SEMA6A: variants seen among roughly 807,000 people sequenced by gnomAD.
The protein encoded by SEMA6A is semaphorin-6A.
Under a neutral mutation model 96.8 loss-of-function variants are expected in SEMA6A, and 25 were observed. The ratio of observed to expected loss-of-function variants is 0.26; its 90% CI spans 0.19 to 0.36. SEMA6A has a LOEUF of 0.36. Ranked by LOEUF, SEMA6A falls within the 10% of genes least tolerant of loss-of-function variation. SEMA6A has a pLI of 1.00. For synonymous variants in SEMA6A, 612 were observed against 518.0 expected, an observed-to-expected ratio of 1.18 and a Z score of -2.46; for missense variants, 1,363 against 1,323.1, an observed-to-expected ratio of 1.03 and a Z score of -0.47.
chr5:116,459,201 G>T (rs574560245), intron 18 of SEMA6A, among the ~76,000 whole-genome samples: 60 of 152,244 alleles, frequency 3.9e-4, no homozygotes, highest in African/African-American at 1.4e-3. Flanking sequence ...AGCTAGATAG[G>T]CAAGAAGCAT....
Position 116,497,391 on chromosome 5 carries a change from T to G in SEMA6A, c.219-4A>C. ...ATCAACAGTATAAATATGGTCCCTA[T>G]AGGCAAAGAAAAATTAATACAAGGT... On this transcript the variant is annotated splice_polypyrimidine_tract_variant and splice_region_variant and intron_variant, in intron 3 of 18. Transcript: ENST00000343348. The G allele has an allele frequency of 1.3e-6, 2 of 1,574,572 alleles. No individual in the cohort carries two copies. Among genetic ancestry groups the G allele is most frequent in the South Asian group, 1.1e-5 (1 of 88,068 alleles).
intron 12 of SEMA6A, among the ~76,000 whole-genome samples, chr5:116,479,395 G>C (rs1756636709): frequency 6.6e-6 from 1 of 152,168 alleles, no homozygotes; most frequent in Non-Finnish European, 1.5e-5. Flanking sequence ...AGAAAACATA[G>C]ACCCTCCTGC....
intron 1 of SEMA6A, among the ~76,000 whole-genome samples, chr5:116,572,448 G>A (rs1390607242): frequency 6.6e-6 from 1 of 152,210 alleles, no homozygotes; most frequent in Non-Finnish European, 1.5e-5. Context: ...TGCTTGCCCC[G>A]GCTGTGAAGA....
At chr5:116,463,203 CAAG>C (rs1755525204) in intron 18 of SEMA6A, among the ~76,000 whole-genome samples, 1 of 152,056 alleles carries the variant, frequency 6.6e-6, no homozygotes, top group Admixed American at 6.6e-5. Context: ...TTCACATAAT[CAAG>C]AAGATAACGC....
chr5:116,537,914 T>A (rs1026956546), intron 1 of SEMA6A, among the ~76,000 whole-genome samples: 1 of 152,164 alleles, frequency 6.6e-6, no homozygotes, highest in Non-Finnish European at 1.5e-5. Context: ...CGGTGTCTCA[T>A]GCCTATAATC....
Position 116,453,076 on chromosome 5 carries a change from G to A in SEMA6A, c.1895-5265C>T, listed in dbSNP as rs572686152. 4.6e-5 allele frequency among the ~76,000 whole-genome samples: 7 copies of A among 152,316 alleles called. No homozygotes were observed. The South Asian group carries it at 1.5e-3, about 32-fold the overall frequency. ...TTAAAGATGCACAGGATCTTAGCTGGAGCAGAGAGAGCAACAAGAACTGAG... is the reference window on the plus strand; with the variant it reads ...TTAAAGATGCACAGGATCTTAGCTGAAGCAGAGAGAGCAACAAGAACTGAG... On this transcript the variant is annotated intron_variant, in intron 18 of 18. Transcript: ENST00000343348.
chr5:116,478,247 C>T (rs1416035501), intron 13 of SEMA6A, 93 bp from the exon 14 acceptor site: 39 of 1,432,720 alleles, frequency 2.7e-5, no homozygotes, highest in African/African-American at 1.4e-5. Flanking sequence ...ACAAGGCAAT[C>T]TCTTAATCTA....
At chr5:116,477,821 C>G in intron 15 of SEMA6A, 25 bp downstream of exon 15, 1 of 1,611,860 alleles carries the variant, frequency 6.2e-7, no homozygotes, top group South Asian at 1.1e-5. Context: ...CCACTTCACC[C>G]TCTCCCACAC....
chr5:116,455,367 AT>A (rs1754947602), intron 18 of SEMA6A, among the ~76,000 whole-genome samples: 1 of 152,340 alleles, frequency 6.6e-6, no homozygotes, highest in African/African-American at 2.4e-5. Context: ...AAAGGTAATG[AT>A]TCTTTTACAT....
intron 1 of SEMA6A, among the ~76,000 whole-genome samples, chr5:116,564,812 C>G (rs1011846805): frequency 6.6e-6 from 1 of 152,132 alleles, no homozygotes; most frequent in African/African-American, 2.4e-5. Flanking sequence ...AATGTATGAG[C>G]CTTTTGTTGC....
At chr5:116,531,852 T>C (rs1759490339) in intron 1 of SEMA6A, among the ~76,000 whole-genome samples, 1 of 152,138 alleles carries the variant, frequency 6.6e-6, no homozygotes, top group Non-Finnish European at 1.5e-5. Context: ...TCACCTTTAG[T>C]TACTTGTTCC....
chr5:116,531,683 C>T (rs1046932730), intron 1 of SEMA6A, among the ~76,000 whole-genome samples: 2 of 152,140 alleles, frequency 1.3e-5, no homozygotes, highest in African/African-American at 2.4e-5. Flanking sequence ...GTTTAACGTC[C>T]TGGTTCTGTT....
At chr5:116,520,625 A>G (rs1758894358) in intron 1 of SEMA6A, among the ~76,000 whole-genome samples, 1 of 152,188 alleles carries the variant, frequency 6.6e-6, no homozygotes. Context: ...ATGGGTAGAA[A>G]CTATAAAGAT....
chr5:116,512,376 C>A (rs1266033603), intron 1 of SEMA6A, among the ~76,000 whole-genome samples: 1 of 152,100 alleles, frequency 6.6e-6, no homozygotes, highest in Non-Finnish European at 1.5e-5. Flanking sequence ...CTTCTCTCAG[C>A]CATTAAGAGA....
chr5:116,558,150 CCT>C (rs1198808036), intron 1 of SEMA6A, among the ~76,000 whole-genome samples: 3 of 152,160 alleles, frequency 2.0e-5, no homozygotes, highest in African/African-American at 7.2e-5. Flanking sequence ...ATTTTCCAAT[CCT>C]GTTTTGTTTT....
chr5:116,464,298 G>GACATCTAGAGAACCAGAGATA (rs1395632957), intron 18 of SEMA6A, among the ~76,000 whole-genome samples: 1 of 152,142 alleles, frequency 6.6e-6, no homozygotes, highest in Admixed American at 6.5e-5. Flanking sequence ...AGAGGCTCCA[G>GACATCTAGAGAACCAGAGATA]ACATCTAGAG....
At chr5:116,538,631 TC>T (rs1312626219) in intron 1 of SEMA6A, among the ~76,000 whole-genome samples, 1 of 152,228 alleles carries the variant, frequency 6.6e-6, no homozygotes, top group Non-Finnish European at 1.5e-5. Flanking sequence ...TTTTTATCTG[TC>T]CTTAAACTCA....
intron 15 of SEMA6A, 78 bp from the exon 16 acceptor site, chr5:116,475,681 A>G (rs1756410512): frequency 8.8e-6 from 9 of 1,022,170 alleles, no homozygotes; most frequent in Admixed American, 6.4e-5. Context: ...AAGCTTCACT[A>G]AAGACAGTAA....
At chr5:116,537,948 G>A (rs368150939) in intron 1 of SEMA6A, among the ~76,000 whole-genome samples, 6 of 152,050 alleles carry the variant, frequency 3.9e-5, no homozygotes, top group South Asian at 2.1e-4. Context: ...AGGCCGAGGC[G>A]GGCGGATCAT....
Sources: allele counts gnomAD v4.1 joint callset (sites outside exome capture counted in the v4.1 genomes callset), GRCh38; gene constraint gnomAD v4.1.1; transcripts MANE v1.5; gene names NCBI Gene and HGNC (gene_info 2026-07-23, HGNC 2026-07-21).